VWA5B1: variants seen among roughly 807,000 people sequenced by gnomAD.
VWA5B1 encodes von Willebrand factor A domain containing 5B1.
VWA5B1 carries 115 observed loss-of-function variants against 118.2 expected under a neutral mutation model. The ratio of observed to expected loss-of-function variants is 0.97; its 90% CI spans 0.84 to 1.14. The LOEUF is 1.14. VWA5B1 is among the 50% of genes most tolerant of loss of function. The probability of loss-of-function intolerance (pLI) is 0.00; values close to 1 mark genes in which losing one functional copy is unlikely to be tolerated. For synonymous variants in VWA5B1, 682 were observed against 658.4 expected (o/e 1.04, Z -0.55); for missense variants, 1,596 against 1,603.8 (o/e 1.00, Z 0.08).
At chr1:20,334,940 G>A (rs1475409060) in intron 12 of VWA5B1, among the ~76,000 whole-genome samples, 1 of 152,176 alleles carries the variant, frequency 6.6e-6, no homozygotes, top group African/African-American at 2.4e-5. Context: ...TTTTTATGGT[G>A]ACAAAAATAA....
At chr1:20,330,421 G>A in intron 10 of VWA5B1, 39 bp downstream of exon 10, 1 of 1,547,160 alleles carries the variant, frequency 6.5e-7, no homozygotes, top group South Asian at 1.2e-5. Flanking sequence ...GTGACTCCAG[G>A]CTGCCGGGGC....
At position 20,310,605 on chromosome 1, in the gene VWA5B1, C is replaced by G. The variant is rs761994117; in HGVS notation, c.4C>G (p.Pro2Ala). ...TGAAGGCTGAGTAGCCAGCGGGATG[C>G]CCGGCTTGCTGAATTGGATCACGGG... M[P>A]GLLNWITGAA... Residue 2 changes from proline to alanine, a missense_variant, in exon 2 of 22, where the codon CCC becomes GCC. Transcript: ENST00000289815. 1.3e-6 allele frequency: 2 copies of G among 1,534,930 alleles called. No individual in the cohort carries two copies. The highest frequency in any genetic ancestry group is 4.2e-5 in the Admixed American group (2 of 47,946).
At chr1:20,345,409 G>C in intron 16 of VWA5B1, 47 bp from the exon 17 acceptor site, 1 of 1,550,046 alleles carries the variant, frequency 6.5e-7, no homozygotes, top group Non-Finnish European at 8.7e-7. Flanking sequence ...GTGTGTCAGG[G>C]AAGACTTTCT....
At position 20,336,415 on chromosome 1, in the gene VWA5B1, C is replaced by CG; in HGVS notation, c.1876dup (p.Ala626GlyfsTer52). On this transcript the variant is annotated frameshift_variant, in exon 13 of 22. Coordinates refer to ENST00000289815, the MANE Select transcript of VWA5B1 (RefSeq NM_001039500.3). LOFTEE classifies it high-confidence loss of function. ...GAAGGTGGAGACTGTGCCAAGAACT[C>CG]GGGGGCACCCTTCATCCTAGGGCAG... 1 of 1,522,320 alleles carries CG rather than the reference C, an allele frequency of 6.6e-7. No homozygotes were observed. Among genetic ancestry groups the CG allele is most frequent in the Non-Finnish European group, 8.8e-7 (1 of 1,131,790 alleles). 94.3% of individuals were successfully genotyped at this position (1,522,320 alleles called of 1,614,324 possible). A position where few individuals can be genotyped will look rare whatever the true frequency, so the allele number is the denominator to read the frequency against.
At chr1:20,312,035 G>C (rs1419314473) in intron 2 of VWA5B1, among the ~76,000 whole-genome samples, 1 of 152,170 alleles carries the variant, frequency 6.6e-6, no homozygotes, top group African/African-American at 2.4e-5. Context: ...AGGGAGCGGA[G>C]GTCGGGGTTT....
intron 1 of VWA5B1, among the ~76,000 whole-genome samples, chr1:20,292,074 TTCTC>T (rs913903773): frequency 4.6e-5 from 7 of 152,300 alleles, no homozygotes; most frequent in South Asian, 2.1e-4. Context: ...TTCTTTCTTT[TTCTC>T]TCTTTCTTTT....
At chr1:20,310,450 G>A in intron 1 of VWA5B1, 126 bp from the exon 2 acceptor site, 2 of 953,292 alleles carry the variant, frequency 2.1e-6, no homozygotes, top group Non-Finnish European at 2.9e-6. Flanking sequence ...CCAGGAACTG[G>A]GAAGTTCTTG....
intron 1 of VWA5B1, among the ~76,000 whole-genome samples, chr1:20,308,455 A>G (rs921521424): frequency 7.9e-5 from 12 of 152,182 alleles, no homozygotes; most frequent in African/African-American, 2.9e-4. Context: ...AGCATTCCAG[A>G]CAGGAGCGAA....
chr1:20,291,002 C>T lies in VWA5B1; in HGVS notation c.-113C>T, dbSNP rs2088286481. 6.6e-6 allele frequency: 1 copy of T among 152,332 alleles called. No individual in the cohort carries two copies. Among genetic ancestry groups the T allele is most frequent in the Non-Finnish European group, 1.5e-5 (1 of 68,090 alleles). The allele number at this position is 152,332 out of a possible 1,614,324, so 9.4% of individuals were successfully genotyped here. On this transcript the variant is annotated 5_prime_UTR_variant, in exon 1 of 22. Transcript: ENST00000289815. Reference sequence around the variant, plus strand: ...ACTGGAGCCCAGCCCCGGACCGCACCTCCAGCAGTGCTGGGTGCAGAAGGC... The same window carrying T: ...ACTGGAGCCCAGCCCCGGACCGCACTTCCAGCAGTGCTGGGTGCAGAAGGC...
intron 12 of VWA5B1, among the ~76,000 whole-genome samples, chr1:20,335,182 G>C (rs1284159593): frequency 6.6e-6 from 1 of 152,122 alleles, no homozygotes; most frequent in African/African-American, 2.4e-5. Context: ...AGACGTGGTG[G>C]CATATGCTTG....
At chr1:20,301,700 C>G (rs796783642) in intron 1 of VWA5B1, among the ~76,000 whole-genome samples, 1 of 152,212 alleles carries the variant, frequency 6.6e-6, no homozygotes, top group Non-Finnish European at 1.5e-5. Context: ...GGACAAGGCT[C>G]GAAGCCACAT....
chr1:20,302,065 A>G (rs1382208253), intron 1 of VWA5B1, among the ~76,000 whole-genome samples: 1 of 152,142 alleles, frequency 6.6e-6, no homozygotes, highest in Non-Finnish European at 1.5e-5. Flanking sequence ...CTTCTTCAGC[A>G]GGCCCAAACA....
chr1:20,318,381 G>A (rs2089092576), intron 5 of VWA5B1: 1 of 682,438 alleles, frequency 1.5e-6, no homozygotes, highest in Non-Finnish European at 2.5e-6. Flanking sequence ...TTCAGAGCAG[G>A]AAGAGTCATC....
chr1:20,340,026 G>A (rs183895849), intron 14 of VWA5B1, among the ~76,000 whole-genome samples: 3 of 152,254 alleles, frequency 2.0e-5, no homozygotes, highest in Admixed American at 2.0e-4. Flanking sequence ...ATCCTTGGCT[G>A]GCAGCTCTAT....
chr1:20,342,322 G>A (rs1406340177), intron 14 of VWA5B1, 110 bp from the exon 15 acceptor site: 5 of 1,180,612 alleles, frequency 4.2e-6, no homozygotes, highest in Non-Finnish European at 4.8e-6. Flanking sequence ...GTGGGGGTGG[G>A]GGAGCAGAAG....
Position 20,354,460 on chromosome 1 carries a change from G to GCC in VWA5B1, c.*198_*199dup. 1.5e-6 allele frequency: 1 copy of GCC among 653,026 alleles called. No homozygotes were observed. Among genetic ancestry groups the GCC allele is most frequent in the Non-Finnish European group, 2.5e-6 (1 of 392,426 alleles). 40.5% of individuals were successfully genotyped at this position (653,026 alleles called of 1,614,324 possible). ...TCCAGCCATGCAACTTTAGGCCAGT[G>GCC]CCTGCCCCCGTCTGGGCCTCAGTTT... On this transcript the variant is annotated 3_prime_UTR_variant, in exon 22 of 22. Coordinates refer to ENST00000289815, the MANE Select transcript of VWA5B1 (RefSeq NM_001039500.3).
At chr1:20,328,370 C>A (rs1022493134) in intron 9 of VWA5B1, among the ~76,000 whole-genome samples, 2 of 152,050 alleles carry the variant, frequency 1.3e-5, no homozygotes, top group Non-Finnish European at 1.5e-5. Context: ...GCTAAGGAAG[C>A]GGCTGATAAG....
chr1:20,334,414 G>A (rs1222678629), intron 12 of VWA5B1, among the ~76,000 whole-genome samples: 4 of 152,166 alleles, frequency 2.6e-5, no homozygotes, highest in East Asian at 1.9e-4. Context: ...TACTGGCAAC[G>A]TTTGCCCTGC....
chr1:20,348,524 C>CT (rs1267955884), intron 18 of VWA5B1, 166 bp downstream of exon 18: 3 of 708,450 alleles, frequency 4.2e-6, no homozygotes, highest in Non-Finnish European at 7.3e-6. Flanking sequence ...TCTCTGAAGC[C>CT]TAAGAGGGAC....
Sources: gnomAD v4.1 joint callset for allele counts (sites outside exome capture counted in the v4.1 genomes callset) on GRCh38, gnomAD v4.1.1 for gene constraint, MANE v1.5 for transcripts, NCBI Gene and HGNC (gene_info 2026-07-23, HGNC 2026-07-21) for gene names.